The following TRPM4 variants were observed in gnomAD, a reference collection of about 807,000 sequenced individuals.
TRPM4 encodes calcium-activated non-selective cation channel 1.
In TRPM4, 124 loss-of-function variants were observed where a neutral mutation model predicts 135.6. The ratio of observed to expected loss-of-function variants is 0.91; its 90% CI spans 0.79 to 1.06. TRPM4 has a LOEUF of 1.06. TRPM4 is among the 50% of genes least tolerant of loss of function. TRPM4 has a pLI of 0.00. For synonymous variants in TRPM4, 745 were observed against 705.6 expected, an observed-to-expected ratio of 1.06 and a Z score of -0.88; for missense variants, 1,658 against 1,671.4, an observed-to-expected ratio of 0.99 and a Z score of 0.14.
chr19:49,199,318 G>A (rs571177618), intron 17 of TRPM4, among the ~76,000 whole-genome samples: 2 of 152,056 alleles, frequency 1.3e-5, no homozygotes, highest in African/African-American at 4.8e-5. Context: ...GAGTGCAGTG[G>A]CGCGATCTCG....
rs1967472525 is a variant in TRPM4, at chr19:49,171,825, G to T, written c.1050+56G>T. The T allele has an allele frequency of 1.3e-6, 2 of 1,569,220 alleles. No individual in the cohort carries two copies. Among genetic ancestry groups the T allele is most frequent in the Non-Finnish European group, 8.7e-7 (1 of 1,150,210 alleles). On this transcript the variant is annotated intron_variant, in intron 8 of 24. Coordinates refer to ENST00000252826, the MANE Select transcript of TRPM4 (RefSeq NM_017636.4). The surrounding 1 kb of genome is among the most constrained non-coding windows in gnomAD (Gnocchi z 4.7). Reference sequence around the variant, plus strand: ...TGAGATGGGAGGGAACTGGGGACTTGGGCTCCTGGGTCTGAGGGAGGAGGG... The same window carrying T: ...TGAGATGGGAGGGAACTGGGGACTTTGGCTCCTGGGTCTGAGGGAGGAGGG...
intron 9 of TRPM4, among the ~76,000 whole-genome samples, chr19:49,172,376 C>A (rs1189523640): frequency 6.6e-6 from 1 of 152,132 alleles, no homozygotes; most frequent in Non-Finnish European, 1.5e-5. Flanking sequence ...ATCGATCTTT[C>A]CATCTCTTTA....
intron 2 of TRPM4, 95 bp downstream of exon 2, chr19:49,158,354 C>T (rs1365355079): frequency 2.5e-6 from 3 of 1,190,530 alleles, no homozygotes; most frequent in Non-Finnish European, 3.8e-6. Flanking sequence ...CTTCCCCATT[C>T]CTGGACTCGG....
intron 12 of TRPM4, among the ~76,000 whole-genome samples, chr19:49,187,635 T>C (rs1968247183): frequency 6.6e-6 from 1 of 152,170 alleles, no homozygotes. Flanking sequence ...GCCCGCTGCC[T>C]AGACAGAGCC....
chr19:49,157,967 GAC>G, intron 1 of TRPM4, 77 bp downstream of exon 1: 2 of 1,484,326 alleles, frequency 1.3e-6, no homozygotes, highest in Non-Finnish European at 1.8e-6. Flanking sequence ...GAGGGCGCTG[GAC>G]ACCCAGATTC....
chr19:49,170,071 A>G (rs1967395255), intron 6 of TRPM4, among the ~76,000 whole-genome samples: 1 of 152,326 alleles, frequency 6.6e-6, no homozygotes, highest in South Asian at 2.1e-4. Context: ...AGCTTTACAA[A>G]AAACCAAAAA....
intron 17 of TRPM4, among the ~76,000 whole-genome samples, chr19:49,197,851 T>A (rs552637395): frequency 6.6e-6 from 1 of 151,200 alleles, no homozygotes; most frequent in Non-Finnish European, 1.5e-5. Flanking sequence ...CCTAGCTAAA[T>A]TTTTTTTGTA....
At chr19:49,185,759 G>T (rs1175789) in intron 12 of TRPM4, among the ~76,000 whole-genome samples, 52,778 of 150,788 alleles carry the variant, frequency 0.35, 9,627 homozygotes, top group African/African-American at 0.46. Context: ...TCTTTTTTTT[G>T]GGGGGAGGGG....
chr19:49,195,280 A>G (rs1968587844), intron 16 of TRPM4, among the ~76,000 whole-genome samples: 1 of 152,150 alleles, frequency 6.6e-6, no homozygotes, highest in East Asian at 1.9e-4. Flanking sequence ...CTAGGCCACC[A>G]TTCATGTACC....
chr19:49,195,835 C>T (rs551485426), intron 16 of TRPM4, among the ~76,000 whole-genome samples: 219 of 150,490 alleles, frequency 1.5e-3, no homozygotes, highest in Non-Finnish European at 2.9e-3. Context: ...AGGTGCTTGC[C>T]CCTACTACTG....
intron 17 of TRPM4, among the ~76,000 whole-genome samples, chr19:49,197,948 G>A (rs761901509): frequency 2.0e-5 from 3 of 151,856 alleles, no homozygotes; most frequent in Non-Finnish European, 4.4e-5. Flanking sequence ...CTTAGCCTCT[G>A]AAAGTGCTGA....
At chr19:49,202,410 C>T (rs777119312) in intron 20 of TRPM4, among the ~76,000 whole-genome samples, 9 of 151,984 alleles carry the variant, frequency 5.9e-5, no homozygotes, top group African/African-American at 1.7e-4. Flanking sequence ...GTGATGTGAT[C>T]GTAGCTTACT....
chr19:49,189,944 T>C (rs957569631), intron 14 of TRPM4, among the ~76,000 whole-genome samples: 17 of 152,176 alleles, frequency 1.1e-4, no homozygotes, highest in African/African-American at 3.9e-4. Context: ...CCCCCTTATG[T>C]GTCAAGGGTT....
intron 20 of TRPM4, 24 bp downstream of exon 20, chr19:49,202,165 C>T (rs369763874): frequency 8.9e-5 from 144 of 1,613,386 alleles, no homozygotes; most frequent in Middle Eastern, 4.9e-4. Flanking sequence ...GCTCTCTGAT[C>T]TGACCCCACC....
At chr19:49,188,324 C>G (rs1313655930) in intron 12 of TRPM4, among the ~76,000 whole-genome samples, 2 of 152,132 alleles carry the variant, frequency 1.3e-5, no homozygotes, top group Non-Finnish European at 2.9e-5. Flanking sequence ...CTTCAGCCTC[C>G]CAACGTGCTG....
chr19:49,183,846 T>C (rs1049819903), intron 12 of TRPM4, among the ~76,000 whole-genome samples: 8 of 150,880 alleles, frequency 5.3e-5, no homozygotes, highest in African/African-American at 2.0e-4. Flanking sequence ...TGATCTCGGC[T>C]CACTGCAAGC....
intron 12 of TRPM4, 68 bp from the exon 13 acceptor site, chr19:49,188,573 T>C: frequency 6.2e-7 from 1 of 1,611,924 alleles, no homozygotes; most frequent in African/African-American, 1.3e-5. Context: ...GTTCCTTCCC[T>C]TGACTTCAGG....
intron 2 of TRPM4, among the ~76,000 whole-genome samples, chr19:49,160,185 A>G (rs1966908722): frequency 6.6e-6 from 1 of 152,166 alleles, no homozygotes; most frequent in East Asian, 1.9e-4. Context: ...TGAGCTGGAG[A>G]GAGGCCCATG....
intron 20 of TRPM4, among the ~76,000 whole-genome samples, chr19:49,204,666 A>G (rs1969077098): frequency 6.6e-6 from 1 of 151,890 alleles, no homozygotes; most frequent in Admixed American, 6.6e-5. Context: ...AGTAGCTGGG[A>G]CTACAGTTAC....
Sources: allele counts gnomAD v4.1 joint callset (sites outside exome capture counted in the v4.1 genomes callset), GRCh38; gene constraint gnomAD v4.1.1; non-coding constraint Gnocchi (gnomAD v3.1); transcripts MANE v1.5; gene names NCBI Gene and HGNC (gene_info 2026-07-23, HGNC 2026-07-21).